The following EPS15 variants were observed in gnomAD, a reference collection of about 807,000 sequenced individuals.
EPS15 encodes epidermal growth factor receptor substrate 15.
In EPS15, 72 loss-of-function variants were observed where a neutral mutation model predicts 113.8. That is an observed-to-expected ratio of 0.63 (90% CI 0.52 to 0.77). The LOEUF is 0.77. EPS15 is among the 30% of genes least tolerant of loss of function. The probability of loss-of-function intolerance (pLI) is 0.00; values close to 1 mark genes in which losing one functional copy is unlikely to be tolerated. For synonymous variants in EPS15, 344 were observed against 363.4 expected (o/e 0.95, Z 0.61); for missense variants, 1,048 against 1,045.8 (o/e 1.00, Z -0.03).
chr1:51,489,327 T>G (rs1644189575), intron 1 of EPS15, among the ~76,000 whole-genome samples: 1 of 142,976 alleles, frequency 7.0e-6, no homozygotes, highest in Non-Finnish European at 1.5e-5. Flanking sequence ...ATGTATGTAT[T>G]TTTTTTTTTT....
chr1:51,401,232 T>A, intron 18 of EPS15: 1 of 262,242 alleles, frequency 3.8e-6, no homozygotes, highest in Non-Finnish European at 7.1e-6. Context: ...GAGGGTATTA[T>A]CATCACCAGT....
chr1:51,393,481 C>T (rs1372166321), intron 21 of EPS15, among the ~76,000 whole-genome samples: 1 of 152,232 alleles, frequency 6.6e-6, no homozygotes, highest in African/African-American at 2.4e-5. Flanking sequence ...GGATTACAGG[C>T]GTGAGCCACC....
At chr1:51,395,581 C>T (rs566092852) in intron 20 of EPS15, among the ~76,000 whole-genome samples, 1 of 152,188 alleles carries the variant, frequency 6.6e-6, no homozygotes, top group South Asian at 2.1e-4. Context: ...CTGCTTTCAA[C>T]AATAAGCTAT....
chr1:51,359,277 C>T (rs1469661712), intron 24 of EPS15, among the ~76,000 whole-genome samples: 1 of 151,810 alleles, frequency 6.6e-6, no homozygotes, highest in African/African-American at 2.4e-5. Context: ...AACCCCGTCT[C>T]TACTAAAAAC....
At chr1:51,513,170 GC>G (rs996006937) in intron 1 of EPS15, among the ~76,000 whole-genome samples, 1 of 151,922 alleles carries the variant, frequency 6.6e-6, no homozygotes, top group Non-Finnish European at 1.5e-5. Flanking sequence ...GTATCCTCTG[GC>G]CCAAAAATTA....
intron 1 of EPS15, among the ~76,000 whole-genome samples, chr1:51,498,123 G>A (rs958760351): frequency 5.3e-5 from 8 of 152,048 alleles, no homozygotes; most frequent in Non-Finnish European, 1.0e-4. Flanking sequence ...TCTATATTTG[G>A]ATTTTATGCT....
At chr1:51,417,464 G>A (rs1180218894) in intron 13 of EPS15, among the ~76,000 whole-genome samples, 2 of 152,052 alleles carry the variant, frequency 1.3e-5, no homozygotes, top group Non-Finnish European at 2.9e-5. Context: ...ACAATATATT[G>A]CCAAATATAA....
At chr1:51,372,608 C>T in intron 21 of EPS15, 1 of 508,296 alleles carries the variant, frequency 2.0e-6, no homozygotes. Context: ...AAGACACTAA[C>T]CTAACTCAGT....
At chr1:51,507,353 T>A (rs1486797367) in intron 1 of EPS15, among the ~76,000 whole-genome samples, 1 of 151,964 alleles carries the variant, frequency 6.6e-6, no homozygotes, top group Non-Finnish European at 1.5e-5. Context: ...GCAGACCACA[T>A]AGGAAAACAC....
At chr1:51,463,250 T>C (rs974941939) in intron 7 of EPS15, 1 of 152,740 alleles carries the variant, frequency 6.5e-6, no homozygotes, top group East Asian at 1.9e-4. Flanking sequence ...AAGAGCTCTA[T>C]AAAGACAGGA....
chr1:51,431,391 C>T (rs1028465409), intron 12 of EPS15, among the ~76,000 whole-genome samples: 1 of 151,824 alleles, frequency 6.6e-6, no homozygotes, highest in African/African-American at 2.4e-5. Flanking sequence ...AAGCACACCC[C>T]CTTAGTGGCA....
intron 13 of EPS15, among the ~76,000 whole-genome samples, chr1:51,414,618 G>GTAAA (rs1650041999): frequency 6.6e-6 from 1 of 151,960 alleles, no homozygotes; most frequent in African/African-American, 2.4e-5. Context: ...ATCCCCATTA[G>GTAAA]TAAATACTCT....
At chr1:51,481,214 C>T (rs2148522883) in intron 2 of EPS15, 59 bp downstream of exon 2, 1 of 860,978 alleles carries the variant, frequency 1.2e-6, no homozygotes, top group East Asian at 2.5e-5. Flanking sequence ...GGCATACAAT[C>T]AAGAGTTGAC....
At chr1:51,391,060 A>T (rs950625375) in intron 21 of EPS15, among the ~76,000 whole-genome samples, 12 of 152,210 alleles carry the variant, frequency 7.9e-5, no homozygotes, top group Non-Finnish European at 1.6e-4. Context: ...ACTTGGAACC[A>T]ACCCAAATGT....
At chr1:51,366,078 T>C (rs754087232) in intron 21 of EPS15, 49 bp from the exon 22 acceptor site, 8 of 1,400,168 alleles carry the variant, frequency 5.7e-6, no homozygotes, top group Non-Finnish European at 7.0e-6. Context: ...AGACATTTTT[T>C]TTTTTTGAGA....
chr1:51,508,188 G>GAAAAA (rs1644532037), intron 1 of EPS15, among the ~76,000 whole-genome samples: 1 of 24,240 alleles, frequency 4.1e-5, no homozygotes, highest in Admixed American at 4.1e-4. Flanking sequence ...CACAAAAAGA[G>GAAAAA]AAAAGAAAAG....
At chr1:51,500,563 T>C (rs1644394265) in intron 1 of EPS15, among the ~76,000 whole-genome samples, 1 of 152,186 alleles carries the variant, frequency 6.6e-6, no homozygotes, top group Admixed American at 6.5e-5. Flanking sequence ...TTCTCAACTC[T>C]AGAGAGCAGT....
chr1:51,358,527 A>G lies in EPS15; in HGVS notation c.2545-1681T>C, dbSNP rs1194728489. ...TACACTGTCAGGCTTTTGAAATGGT[A>G]GTTTTTTTCCCTAGGGAATTAAGCA... On this transcript the variant is annotated intron_variant, in intron 24 of 24. Transcript: ENST00000371733. Among the ~76,000 whole-genome samples the G allele has an allele frequency of 2.0e-5, 3 of 152,254 alleles. No individual in the cohort carries two copies. The East Asian group carries it at 5.8e-4, about 29-fold the overall frequency.
Position 51,484,489 on chromosome 1 carries a change from G to A in EPS15, c.34-3175C>T, listed in dbSNP as rs537143251. On this transcript the variant is annotated intron_variant, in intron 1 of 24. Transcript: ENST00000371733. Reference sequence around the variant, plus strand: ...ATTATATCAAAATACACTAAAACCAGAATGGATTTTGTATCTCTACTGTGT... The same window carrying A: ...ATTATATCAAAATACACTAAAACCAAAATGGATTTTGTATCTCTACTGTGT... 5.9e-5 allele frequency among the ~76,000 whole-genome samples: 9 copies of A among 152,074 alleles called. 1 individual carries two copies. The South Asian group carries it at 1.9e-3, about 32-fold the overall frequency.
Sources: allele counts gnomAD v4.1 joint callset (sites outside exome capture counted in the v4.1 genomes callset), GRCh38; gene constraint gnomAD v4.1.1; transcripts MANE v1.5; gene names NCBI Gene and HGNC (gene_info 2026-07-23, HGNC 2026-07-21).